POLR3F: variants seen among roughly 807,000 people sequenced by gnomAD.
The protein encoded by POLR3F is RNA polymerase III subunit F.
In POLR3F, 31 loss-of-function variants were observed where a neutral mutation model predicts 43.6. The ratio of observed to expected loss-of-function variants is 0.71; its 90% CI spans 0.53 to 0.96. The LOEUF is 0.96. Ranked by LOEUF, POLR3F falls within the 40% of genes least tolerant of loss-of-function variation. The pLI is 0.00. For missense variants in POLR3F, 316 were observed against 391.7 expected (o/e 0.81, Z 1.63); for synonymous variants, 114 against 132.5 (o/e 0.86, Z 0.96).
In POLR3F at chr20:18,467,426, C is replaced by T. The variant is rs532002988; in HGVS notation, c.-81C>T. The T allele has an allele frequency of 5.4e-6, 8 of 1,494,258 alleles. No individual in the cohort carries two copies. Among genetic ancestry groups the T allele is most frequent in the Non-Finnish European group, 7.5e-6 (8 of 1,071,738 alleles). 92.6% of individuals were successfully genotyped at this position (1,494,258 alleles called of 1,614,324 possible). A position where few individuals can be genotyped will look rare whatever the true frequency, so the allele number is the denominator to read the frequency against. The stretch of plus-strand genomic sequence containing the variant: ...CTCGGCCTCAGCAGAGCGCTATCCT[C>T]CACTGGTTCCCCGGGTTCCCCGGCT... On this transcript the variant is annotated 5_prime_UTR_variant, in exon 1 of 9. Coordinates refer to ENST00000377603, the MANE Select transcript of POLR3F (RefSeq NM_006466.4).
intron 7 of POLR3F, among the ~76,000 whole-genome samples, chr20:18,480,932 G>A (rs1172075154): frequency 6.6e-6 from 1 of 151,906 alleles, no homozygotes; most frequent in Non-Finnish European, 1.5e-5. Flanking sequence ...TAATTTCCTG[G>A]GCCTCAGATT....
At chr20:18,472,752 A>G in intron 2 of POLR3F, 90 bp from the exon 3 acceptor site, 2 of 650,630 alleles carry the variant, frequency 3.1e-6, no homozygotes, top group East Asian at 2.9e-5. Flanking sequence ...TGAAAAATTA[A>G]GAATGTTAAA....
chr20:18,475,049 A>G, intron 4 of POLR3F, 26 bp from the exon 5 acceptor site: 1 of 945,122 alleles, frequency 1.1e-6, no homozygotes, highest in Non-Finnish European at 1.7e-6. Flanking sequence ...CCAGAGTTCA[A>G]CTTATTTTAC....
At chr20:18,475,956 C>T (rs1230374741) in intron 5 of POLR3F, among the ~76,000 whole-genome samples, 3 of 152,184 alleles carry the variant, frequency 2.0e-5, no homozygotes, top group African/African-American at 7.2e-5. Context: ...TTCCCTTCCA[C>T]ATTGTTTAAT....
At chr20:18,478,426 G>T (rs749431677) in intron 5 of POLR3F, among the ~76,000 whole-genome samples, 1 of 151,972 alleles carries the variant, frequency 6.6e-6, no homozygotes, top group Non-Finnish European at 1.5e-5. Flanking sequence ...TGTTACCCAG[G>T]CCTGTCTTGA....
Position 18,467,571 on chromosome 20 carries a change from A to G in POLR3F, c.62+3A>G. ...GATCCGGTCGAAATAGAAAACAGGT[A>G]AACCAGTGAGGCTCCGGCTTGGCAC... On this transcript the variant is annotated splice_donor_region_variant and intron_variant, in intron 1 of 8. Transcript: ENST00000377603. 2.5e-6 allele frequency: 4 copies of G among 1,614,248 alleles called. No individual in the cohort carries two copies. Among genetic ancestry groups the G allele is most frequent in the Non-Finnish European group, 3.4e-6 (4 of 1,180,014 alleles).
intron 1 of POLR3F, among the ~76,000 whole-genome samples, chr20:18,468,350 C>T (rs975081102): frequency 2.0e-5 from 3 of 152,224 alleles, no homozygotes; most frequent in South Asian, 2.1e-4. Context: ...GCTGGGATTA[C>T]AGGCGTGAGC....
chr20:18,483,365 A>G (rs756678258), intron 8 of POLR3F, 116 bp from the exon 9 acceptor site: 5 of 548,490 alleles, frequency 9.1e-6, no homozygotes, highest in African/African-American at 2.0e-5. Context: ...TCTTAAGTAC[A>G]GTCCTAGTCC....
At chr20:18,471,735 C>A (rs950619733) in intron 2 of POLR3F, among the ~76,000 whole-genome samples, 5 of 152,228 alleles carry the variant, frequency 3.3e-5, no homozygotes, top group African/African-American at 1.2e-4. Context: ...GTAATCCCAG[C>A]ACTTTGGGAG....
At chr20:18,469,207 CTG>C (rs1457548991) in intron 2 of POLR3F, 146 bp downstream of exon 2, 3 of 634,342 alleles carry the variant, frequency 4.7e-6, no homozygotes, top group Non-Finnish European at 8.6e-6. Flanking sequence ...ATTGGAGTGT[CTG>C]TGTGGGTGTT....
intron 5 of POLR3F, 145 bp downstream of exon 5, chr20:18,475,332 C>G (rs1005467031): frequency 2.0e-5 from 10 of 507,048 alleles, no homozygotes; most frequent in Middle Eastern, 5.3e-4. Flanking sequence ...GCTGCTTAGA[C>G]TTGTCCCTAC....
Position 18,467,561 on chromosome 20 carries a change from G to C in POLR3F, c.55G>C (p.Glu19Gln). ...GCCTGACGCGGATCCGGTCGAAATA[G>C]AAAACAGGTAAACCAGTGAGGCTCC... ...QPPDADPVEI[E>Q]NRIIELCHQF... is the part of the protein sequence containing the mutation. Residue 19 changes from glutamate (E) to glutamine (Q), a missense_variant, in exon 1 of 9, where the codon GAA (glutamate) becomes CAA (glutamine). Physicochemically the swap from Glu to Gln is conservative, Grantham distance 29. Around this residue, in one of 3 missense-constraint regions of POLR3F, gnomAD observed 122 missense variants for 133.8 expected, o/e 0.91. Transcript: ENST00000377603. The C allele has an allele frequency of 1.2e-6, 2 of 1,614,254 alleles. No homozygotes were observed. The highest frequency in any genetic ancestry group is 1.7e-6 in the Non-Finnish European group (2 of 1,180,040).
rs2059760607 is a variant in POLR3F, at chr20:18,472,846, A to G, written c.185A>G (p.Gln62Arg). ...VAINRLLSMGQLDLLRSNTGL... is the reference protein window; with the variant it reads ...VAINRLLSMGRLDLLRSNTGL... ...TTCTACTGTCTTAAAAACTAGGGTCAGTTGGATCTCTTAAGGAGCAATACG... is the reference window on the plus strand; with the variant it reads ...TTCTACTGTCTTAAAAACTAGGGTCGGTTGGATCTCTTAAGGAGCAATACG... The change falls in exon 3 of 9, where the codon CAG (glutamine) becomes CGG (arginine). Residue 62 changes from glutamine to arginine, a missense_variant. By Grantham distance (43) the Gln-to-Arg change is conservative. Around this residue, in one of 3 missense-constraint regions of POLR3F, gnomAD observed 122 missense variants for 133.8 expected, o/e 0.91. Coordinates refer to ENST00000377603, the MANE Select transcript of POLR3F (RefSeq NM_006466.4). 3 of 1,415,424 alleles carry G rather than the reference A, an allele frequency of 2.1e-6. No homozygotes were observed. The African/African-American group carries it at 4.3e-5, about 20-fold the overall frequency. 87.7% of individuals were successfully genotyped at this position (1,415,424 alleles called of 1,614,324 possible). A position where few individuals can be genotyped will look rare whatever the true frequency, so the allele number is the denominator to read the frequency against.
At position 18,467,467 on chromosome 20, in the gene POLR3F, C is replaced by G. The variant is rs759118102; in HGVS notation, c.-40C>G. Reference sequence around the variant, plus strand: ...TTCCCCGGCTTGCTACCGGGCTGCTCCGTGCATCTTTCCCCCCAGGCGTCA... The same window carrying G: ...TTCCCCGGCTTGCTACCGGGCTGCTGCGTGCATCTTTCCCCCCAGGCGTCA... On this transcript the variant is annotated 5_prime_UTR_variant, in exon 1 of 9. Coordinates refer to ENST00000377603, the MANE Select transcript of POLR3F (RefSeq NM_006466.4). 6.2e-7 allele frequency: 1 copy of G among 1,612,210 alleles called. No homozygotes were observed. The highest frequency in any genetic ancestry group is 1.1e-5 in the South Asian group (1 of 91,040).
intron 4 of POLR3F, among the ~76,000 whole-genome samples, chr20:18,473,854 G>A (rs150491620): frequency 9.1e-4 from 138 of 152,028 alleles, no homozygotes; most frequent in Non-Finnish European, 1.7e-3. Flanking sequence ...GACACCTCTC[G>A]TTTTTGCAAG....
At chr20:18,474,758 GT>G (rs1435928816) in intron 4 of POLR3F, among the ~76,000 whole-genome samples, 1 of 152,096 alleles carries the variant, frequency 6.6e-6, no homozygotes, top group Admixed American at 6.5e-5. Context: ...CTGAGCTCAG[GT>G]GACCCACCTG....
chr20:18,471,062 G>T (rs764351691), intron 2 of POLR3F, among the ~76,000 whole-genome samples: 3 of 152,066 alleles, frequency 2.0e-5, no homozygotes, highest in African/African-American at 7.2e-5. Context: ...TGTCTTAAAT[G>T]CAGGTCTGAC....
At chr20:18,478,704 A>G (rs1432674950) in intron 5 of POLR3F, among the ~76,000 whole-genome samples, 8 of 152,224 alleles carry the variant, frequency 5.3e-5, no homozygotes, top group Non-Finnish European at 8.8e-5. Context: ...GAGTATAGCT[A>G]TGTATATATA....
At chr20:18,480,579 A>G (rs933075908) in intron 7 of POLR3F, 70 bp downstream of exon 7, 9 of 859,858 alleles carry the variant, frequency 1.0e-5, no homozygotes, top group Admixed American at 2.7e-5. Context: ...CCAAACATGT[A>G]TTTGACCCAC....
Sources: allele counts gnomAD v4.1 joint callset (sites outside exome capture counted in the v4.1 genomes callset), GRCh38; gene constraint gnomAD v4.1.1; regional missense constraint gnomAD v4.1.1; transcripts MANE v1.5; gene names NCBI Gene and HGNC (gene_info 2026-07-23, HGNC 2026-07-21).